GCN1: variants seen among roughly 807,000 people sequenced by gnomAD.
The protein encoded by GCN1 is GCN1 activator of EIF2AK4, also known as stalled ribosome sensor GCN1.
GCN1 carries 90 observed loss-of-function variants against 288.4 expected under a neutral mutation model. The observed-to-expected ratio is 0.31, with a 90% CI of 0.26 to 0.37. The LOEUF (loss-of-function observed/expected upper bound fraction) is 0.37. Ranked by LOEUF, GCN1 falls within the 10% of genes least tolerant of loss-of-function variation. GCN1 has a pLI of 1.00. For synonymous variants in GCN1, 1,386 were observed against 1,420.2 expected, an observed-to-expected ratio of 0.98 and a Z score of 0.54; for missense variants, 2,586 against 3,419.9, an observed-to-expected ratio of 0.76 and a Z score of 6.08.
Position 120,134,852 on chromosome 12 carries a change from G to A in GCN1, c.7009-126C>T, listed in dbSNP as rs1876946725. 9 of 772,268 alleles carry A rather than the reference G, an allele frequency of 1.2e-5. No homozygotes were observed. In the South Asian group the frequency reaches 1.5e-4, roughly 13 times the overall value. The allele number at this position is 772,268 out of a possible 1,614,324, so 47.8% of individuals were successfully genotyped here. ...CGAGTCCAGCTCTCATACAGGGCTG[G>A]GGACAGATAGCCCGTCAGAGAGGCC... On this transcript the variant is annotated intron_variant, in intron 51 of 57. Transcript: ENST00000300648. The surrounding 1 kb of genome is among the most constrained non-coding windows in gnomAD (Gnocchi z 5.0).
At chr12:120,182,152 A>G (rs1878684963) in intron 5 of GCN1, among the ~76,000 whole-genome samples, 1 of 151,642 alleles carries the variant, frequency 6.6e-6, no homozygotes, top group Non-Finnish European at 1.5e-5. Context: ...CTGTCTCTCA[A>G]AGAAAACAAA....
chr12:120,150,965 A>G (rs1594268904), intron 34 of GCN1, among the ~76,000 whole-genome samples, 180 bp downstream of exon 34: 1 of 152,024 alleles, frequency 6.6e-6, no homozygotes, highest in African/African-American at 2.4e-5. Flanking sequence ...AGAAAAAAAA[A>G]TTTGCAAGTC....
chr12:120,128,514 T>C (rs1876694861), intron 57 of GCN1, among the ~76,000 whole-genome samples: 1 of 152,030 alleles, frequency 6.6e-6, no homozygotes, highest in Non-Finnish European at 1.5e-5. Context: ...TTTTGTATTT[T>C]TAGTAGAGAC....
chr12:120,155,221 G>C lies in GCN1; in HGVS notation c.3630+20C>G, dbSNP rs960027665. On this transcript the variant is annotated intron_variant, in intron 30 of 57. Transcript: ENST00000300648. The surrounding 1 kb of genome is among the most constrained non-coding windows in gnomAD (Gnocchi z 4.9). The stretch of plus-strand genomic sequence containing the variant: ...AACCGCACACACCCAGACTGCATCA[G>C]GGCTGCACAGGTCACTCACGTAGAG... The C allele has an allele frequency of 5.6e-6, 9 of 1,611,736 alleles. No individual in the cohort carries two copies. In the Admixed American group the frequency reaches 6.7e-5, roughly 12 times the overall value.
In GCN1 at chr12:120,158,049, G is replaced by C. The variant is rs1277800549; in HGVS notation, c.2906-19C>G. On this transcript the variant is annotated intron_variant, in intron 25 of 57. Transcript: ENST00000300648. The surrounding 1 kb of genome is among the most constrained non-coding windows in gnomAD (Gnocchi z 4.3). ...GCAGCACCTGTGAGAGCGAGAAGCA[G>C]ATAAGATTCTGCAGGCAGGGCAGGG... The C allele has an allele frequency of 5.6e-6, 9 of 1,611,718 alleles. No individual in the cohort carries two copies. The highest frequency in any genetic ancestry group is 7.6e-6 in the Non-Finnish European group (9 of 1,178,420).
At position 120,158,045 on chromosome 12, in the gene GCN1, A is replaced by C. The variant is rs751158023; in HGVS notation, c.2906-15T>G. The C allele has an allele frequency of 1.7e-5, 27 of 1,612,570 alleles. No individual in the cohort carries two copies. Among genetic ancestry groups the C allele is most frequent in the East Asian group, 2.2e-5 (1 of 44,874 alleles). On this transcript the variant is annotated splice_polypyrimidine_tract_variant and intron_variant, in intron 25 of 57. Coordinates refer to ENST00000300648, the MANE Select transcript of GCN1 (RefSeq NM_006836.2). This position sits in a 1 kb window ranked among gnomAD's most constrained non-coding sequence, Gnocchi z 4.3. ...GGGCGCAGCACCTGTGAGAGCGAGA[A>C]GCAGATAAGATTCTGCAGGCAGGGC... is the stretch of plus-strand genomic sequence containing the variant.
Position 120,155,008 on chromosome 12 carries a change from T to G in GCN1, c.3663A>C (p.Arg1221=), listed in dbSNP as rs757069906. Residue 1221 remains arginine, a synonymous_variant, in exon 31 of 58, where the codon CGA becomes CGC. Transcript: ENST00000300648. The surrounding 1 kb of genome is among the most constrained non-coding windows in gnomAD (Gnocchi z 4.9). Reference sequence around the variant, plus strand: ...GATCTGGAGGAGATTCTGAAATAACTCGTCCCAAAGCATCCAGCACTGGGG... The same window carrying G: ...GATCTGGAGGAGATTCTGAAATAACGCGTCCCAAAGCATCCAGCACTGGGG... ...RPPPVLDALG[R]VISESPPDQW... The G allele has an allele frequency of 6.2e-7, 1 of 1,614,022 alleles. No homozygotes were observed. The highest frequency in any genetic ancestry group is 8.5e-7 in the Non-Finnish European group (1 of 1,179,894).
At chr12:120,188,750 G>A (rs1050582145) in intron 2 of GCN1, among the ~76,000 whole-genome samples, 1 of 151,230 alleles carries the variant, frequency 6.6e-6, no homozygotes, top group Non-Finnish European at 1.5e-5. Flanking sequence ...TCCAGAGGCT[G>A]AGGCAGAAGA....
rs1678871073 is a variant in GCN1, at chr12:120,134,489, C to T, written c.7202+44G>A. On this transcript the variant is annotated intron_variant, in intron 52 of 57. Coordinates refer to ENST00000300648, the MANE Select transcript of GCN1 (RefSeq NM_006836.2). The surrounding 1 kb of genome is among the most constrained non-coding windows in gnomAD (Gnocchi z 5.0). The stretch of plus-strand genomic sequence containing the variant: ...AGCGCAGGCTCGGCCCACAGCAACC[C>T]CTGGCCTCCTGGAGGCCACAGTGCT... 2 of 1,595,100 alleles carry T rather than the reference C, an allele frequency of 1.3e-6. No individual in the cohort carries two copies. Among genetic ancestry groups the T allele is most frequent in the Non-Finnish European group, 1.7e-6 (2 of 1,163,428 alleles).
In GCN1 at chr12:120,138,421, G is replaced by C. The variant is rs1465294137; in HGVS notation, c.6157-6C>G. Reference sequence around the variant, plus strand: ...TCTGACACCTCCTCGTCATCCTGCAGAGGGTGTTGGGGACAACCCTGAGGA... The same window carrying C: ...TCTGACACCTCCTCGTCATCCTGCACAGGGTGTTGGGGACAACCCTGAGGA... On this transcript the variant is annotated splice_region_variant and splice_polypyrimidine_tract_variant and intron_variant, in intron 46 of 57. Transcript: ENST00000300648. 5.1e-6 allele frequency: 8 copies of C among 1,572,454 alleles called. No individual in the cohort carries two copies. In the South Asian group the frequency reaches 8.9e-5, roughly 17 times the overall value.
chr12:120,164,832 A>T, intron 16 of GCN1, 111 bp from the exon 17 acceptor site: 1 of 643,862 alleles, frequency 1.6e-6, no homozygotes, highest in Non-Finnish European at 2.7e-6. Flanking sequence ...CAAAATATAA[A>T]TGTGATTATC....
Position 120,145,030 on chromosome 12 carries a change from G to T in GCN1, c.5048C>A (p.Ala1683Asp), listed in dbSNP as rs368298877. ...VRTVSAKALG[A>D]MVKGMGESCF... ...CGACTCCCCCATGCCCTTCACCATG[G>T]CCCCAAGGGCCTTTGCAGATACGGT... Residue 1683 changes from alanine to aspartate, a missense_variant, in exon 40 of 58, where the codon GCC becomes GAC. Physicochemically the swap from Ala to Asp is moderately radical, Grantham distance 126. Around this residue, in one of 8 missense-constraint regions of GCN1, gnomAD observed 371 missense variants for 572.6 expected, o/e 0.65. Coordinates refer to ENST00000300648, the MANE Select transcript of GCN1 (RefSeq NM_006836.2). The T allele has an allele frequency of 1.2e-6, 2 of 1,613,972 alleles. No homozygotes were observed. The highest frequency in any genetic ancestry group is 2.7e-5 in the African/African-American group (2 of 75,064).
At chr12:120,177,644 G>C (rs1447731066) in intron 8 of GCN1, 40 bp downstream of exon 8, 5 of 1,568,004 alleles carry the variant, frequency 3.2e-6, no homozygotes, top group Non-Finnish European at 3.5e-6. Flanking sequence ...TTGAAAATGG[G>C]ATCAGTTGTC....
intron 38 of GCN1, among the ~76,000 whole-genome samples, chr12:120,146,738 C>T (rs553830590): frequency 2.0e-5 from 3 of 152,286 alleles, no homozygotes; most frequent in South Asian, 4.1e-4. Context: ...ACCAGGCTCT[C>T]CTGACAACAA....
chr12:120,189,710 G>A (rs981889609), intron 2 of GCN1, among the ~76,000 whole-genome samples: 68 of 152,272 alleles, frequency 4.5e-4, no homozygotes, highest in East Asian at 5.8e-4. Context: ...TGGGCCCAGT[G>A]GCTCGTGCCT....
intron 5 of GCN1, among the ~76,000 whole-genome samples, chr12:120,181,405 C>A (rs1229962123): frequency 1.5e-5 from 2 of 136,032 alleles, no homozygotes; most frequent in Non-Finnish European, 3.0e-5. Context: ...GTCAAGGCTG[C>A]AGTGAGCTGA....
intron 26 of GCN1, 24 bp downstream of exon 26, chr12:120,157,825 G>A (rs946962988): frequency 6.2e-7 from 1 of 1,603,428 alleles, no homozygotes; most frequent in Non-Finnish European, 8.5e-7. Flanking sequence ...TAAACCAAGA[G>A]GAGAGCAGAG....
At chr12:120,136,384 C>A in intron 51 of GCN1, 118 bp downstream of exon 51, 1 of 748,984 alleles carries the variant, frequency 1.3e-6, no homozygotes, top group Middle Eastern at 2.6e-4. Context: ...TCTTACCTCC[C>A]TCTGCTATGC....
At position 120,137,811 on chromosome 12, in the gene GCN1, T is replaced by C; in HGVS notation, c.6397A>G (p.Met2133Val). ...AGGATCACAGCCTGACAATTGGCCATCTCCTGCAAACCACAAGGGACATGT... is the reference window on the plus strand; with the variant it reads ...AGGATCACAGCCTGACAATTGGCCACCTCCTGCAAACCACAAGGGACATGT... ...KLGTPDEQLE[M>V]ANCQAVILSV... Residue 2133 changes from methionine (M) to valine (V), a missense_variant, in exon 49 of 58, where the codon ATG (methionine) becomes GTG (valine). Met to Val is a conservative substitution (Grantham distance 21, BLOSUM62 1). Transcript: ENST00000300648. The surrounding 1 kb of genome is among the most constrained non-coding windows in gnomAD (Gnocchi z 5.2). 6.2e-7 allele frequency: 1 copy of C among 1,613,366 alleles called. No individual in the cohort carries two copies. Among genetic ancestry groups the C allele is most frequent in the Non-Finnish European group, 8.5e-7 (1 of 1,179,328 alleles).
Sources: gnomAD v4.1 joint callset for allele counts (sites outside exome capture counted in the v4.1 genomes callset) on GRCh38, gnomAD v4.1.1 for gene constraint, gnomAD v4.1.1 regional missense constraint, Gnocchi (gnomAD v3.1) non-coding constraint, MANE v1.5 for transcripts, NCBI Gene and HGNC (gene_info 2026-07-23, HGNC 2026-07-21) for gene names.